NDUFB2: variants seen among roughly 807,000 people sequenced by gnomAD.
NDUFB2 encodes NADH dehydrogenase [ubiquinone] 1 beta subcomplex subunit 2, mitochondrial.
NDUFB2 carries 13 observed loss-of-function variants against 13.4 expected under a neutral mutation model. The ratio of observed to expected loss-of-function variants is 0.97; its 90% CI spans 0.63 to 1.54. The LOEUF (loss-of-function observed/expected upper bound fraction) is 1.54, where lower values mean the gene tolerates loss of function less well. Ranked by LOEUF, NDUFB2 falls within the 40% of genes most tolerant of loss-of-function variation. The pLI is 0.00. For missense variants in NDUFB2, 150 were observed against 139.7 expected, an observed-to-expected ratio of 1.07 and a Z score of -0.37; for synonymous variants, 47 against 50.6, an observed-to-expected ratio of 0.93 and a Z score of 0.30.
intron 1 of NDUFB2, among the ~76,000 whole-genome samples, chr7:140,697,860 G>A (rs1769538975): frequency 6.6e-6 from 1 of 152,104 alleles, no homozygotes; most frequent in Non-Finnish European, 1.5e-5. Context: ...TAGGAGATGG[G>A]GTCTAACTCT....
intron 1 of NDUFB2, among the ~76,000 whole-genome samples, chr7:140,701,399 G>A (rs924126795): frequency 6.6e-6 from 1 of 152,168 alleles, no homozygotes; most frequent in Non-Finnish European, 1.5e-5. Flanking sequence ...CTTTTAGAGT[G>A]GGGGAGGATA....
intron 1 of NDUFB2, chr7:140,697,322 G>A (rs1191287726): frequency 1.4e-6 from 1 of 702,900 alleles, no homozygotes; most frequent in East Asian, 2.7e-5. Flanking sequence ...TCACGTGGCC[G>A]CTTTTTAATG....
intron 3 of NDUFB2, chr7:140,706,044 TTA>T (rs1172055602): frequency 7.0e-6 from 1 of 143,560 alleles, no homozygotes; most frequent in Non-Finnish European, 1.5e-5. Context: ...TTATGTTATG[TTA>T]TGTTATGTTA....
At chr7:140,697,437 C>A in intron 1 of NDUFB2, 1 of 700,636 alleles carries the variant, frequency 1.4e-6, no homozygotes, top group Non-Finnish European at 2.6e-6. Context: ...GCAGCCGTGG[C>A]GTTTAGGAGA....
At chr7:140,703,422 G>C (rs1192655573) in intron 2 of NDUFB2, among the ~76,000 whole-genome samples, 1 of 151,668 alleles carries the variant, frequency 6.6e-6, no homozygotes, top group Non-Finnish European at 1.5e-5. Context: ...CTACAGGTGT[G>C]CACCCCCACG....
At chr7:140,699,704 G>C (rs987310714) in intron 1 of NDUFB2, among the ~76,000 whole-genome samples, 1 of 151,764 alleles carries the variant, frequency 6.6e-6, no homozygotes, top group African/African-American at 2.4e-5. Flanking sequence ...GGCAGCTTCA[G>C]TGATTGATTG....
chr7:140,696,879 T>C, intron 1 of NDUFB2, 37 bp downstream of exon 1: 16 of 1,555,776 alleles, frequency 1.0e-5, no homozygotes, highest in Non-Finnish European at 1.4e-5. Flanking sequence ...CTCGCCGGCC[T>C]GTAGCGGACA....
At position 140,696,722 on chromosome 7, in the gene NDUFB2, C is replaced by T. The variant is rs770543489; in HGVS notation, c.-23C>T. On this transcript the variant is annotated 5_prime_UTR_variant, in exon 1 of 4. Transcript: ENST00000247866. ...TAGGCAGGGGCGAGGCGGCTGGGGA[C>T]CGCGGGGCGGACGGGAGCGAGTATG... 1.2e-5 allele frequency: 19 copies of T among 1,564,654 alleles called. No homozygotes were observed. The highest frequency in any genetic ancestry group is 5.4e-5 in the African/African-American group (4 of 73,556).
In NDUFB2 at chr7:140,696,821, C is replaced by T. The variant is rs1355102802; in HGVS notation, c.77C>T (p.Ala26Val). 1.2e-6 allele frequency: 2 copies of T among 1,608,662 alleles called. No individual in the cohort carries two copies. The highest frequency in any genetic ancestry group is 2.7e-5 in the African/African-American group (2 of 74,818). Residue 26 changes from alanine (A) to valine (V), a missense_variant, in exon 1 of 4, where the codon GCT (alanine) becomes GTT (valine). Ala to Val is a moderately conservative substitution (Grantham distance 64). Transcript: ENST00000247866. ...RLFRSGCARTAGDGGVRHAGG... is the reference protein window; with the variant it reads ...RLFRSGCARTVGDGGVRHAGG... ...TTCAGAAGCGGCTGCGCACGGACTG[C>T]TGGAGATGGTGGAGTCCGTCAGTGA...
In NDUFB2 at chr7:140,696,786, A is replaced by T; in HGVS notation, c.42A>T (p.Gly14=). The T allele has an allele frequency of 6.2e-7, 1 of 1,608,170 alleles. No individual in the cohort carries two copies. The highest frequency in any genetic ancestry group is 8.5e-7 in the Non-Finnish European group (1 of 1,177,732). Residue 14 remains glycine, a synonymous_variant, in exon 1 of 4, where the codon GGA becomes GGT. Coordinates refer to ENST00000247866, the MANE Select transcript of NDUFB2 (RefSeq NM_004546.3). The part of the protein sequence containing the change: ...LTRLASFARV[G]GRLFRSGCAR... Reference sequence around the variant, plus strand: ...GGCTGGCGTCTTTCGCTCGCGTTGGAGGCCGCCTTTTCAGAAGCGGCTGCG... The same window carrying T: ...GGCTGGCGTCTTTCGCTCGCGTTGGTGGCCGCCTTTTCAGAAGCGGCTGCG...
intron 2 of NDUFB2, 72 bp from the exon 3 acceptor site, chr7:140,704,788 T>G (rs1216194390): frequency 1.9e-6 from 2 of 1,070,362 alleles, no homozygotes; most frequent in South Asian, 1.8e-5. Flanking sequence ...TTCCAAGATT[T>G]ATTTAACAAT....
At chr7:140,696,990 G>C in intron 1 of NDUFB2, 148 bp downstream of exon 1, 1 of 712,352 alleles carries the variant, frequency 1.4e-6, no homozygotes. Context: ...CTGAAGCCGC[G>C]ACTCGAGGAG....
At chr7:140,698,363 C>G in intron 1 of NDUFB2, 1 of 1,299,780 alleles carries the variant, frequency 7.7e-7, no homozygotes, top group African/African-American at 1.5e-5. Flanking sequence ...CTGCTCCTTT[C>G]TAGGTGCTGA....
At chr7:140,700,058 A>G (rs2130800093) in intron 1 of NDUFB2, 1 of 152,082 alleles carries the variant, frequency 6.6e-6, no homozygotes, top group South Asian at 2.1e-4. Flanking sequence ...TCACTCTAGC[A>G]ATAACGAAGC....
chr7:140,698,958 G>A (rs1794858265), intron 1 of NDUFB2, among the ~76,000 whole-genome samples: 1 of 152,122 alleles, frequency 6.6e-6, no homozygotes, highest in Non-Finnish European at 1.5e-5. Flanking sequence ...AGGAGTTCGA[G>A]ACCAGCCTGG....
chr7:140,697,434 T>C (rs926256909), intron 1 of NDUFB2: 1 of 702,370 alleles, frequency 1.4e-6, no homozygotes, highest in African/African-American at 1.7e-5. Context: ...GGGGCAGCCG[T>C]GGCGTTTAGG....
intron 1 of NDUFB2, 27 bp from the exon 2 acceptor site, chr7:140,702,839 T>C: frequency 1.9e-6 from 3 of 1,612,878 alleles, no homozygotes; most frequent in African/African-American, 2.7e-5. Flanking sequence ...TGTAGCACGC[T>C]GTCTGCCATG....
chr7:140,701,849 T>G, intron 1 of NDUFB2: 1 of 451,030 alleles, frequency 2.2e-6, no homozygotes, highest in Non-Finnish European at 4.0e-6. Flanking sequence ...GGCAGGAGGA[T>G]CGCTTGAACC....
At chr7:140,706,060 T>TATGTTATGTTATGTTATGTTATGTTATG (rs1402496959) in intron 3 of NDUFB2, 1 of 125,036 alleles carries the variant, frequency 8.0e-6, no homozygotes, top group African/African-American at 3.5e-5. Context: ...TATGTTATGT[T>TATGTTATGTTATGTTATGTTATGTTATG]TTATGTTATG....
Sources: gnomAD v4.1 joint callset for allele counts (sites outside exome capture counted in the v4.1 genomes callset) on GRCh38, gnomAD v4.1.1 for gene constraint, MANE v1.5 for transcripts, NCBI Gene and HGNC (gene_info 2026-07-23, HGNC 2026-07-21) for gene names.